SGPP2: variants seen among roughly 807,000 people sequenced by gnomAD.
SGPP2 encodes sphingosine 1-phosphate phosphohydrolase 2.
A neutral mutation model predicts 33.9 loss-of-function variants in SGPP2; 30 were observed. The observed-to-expected ratio is 0.89, with a 90% confidence interval of 0.66 to 1.20. The LOEUF is 1.20. Among genes scored for constraint, SGPP2 ranks in the 50% most tolerant of loss-of-function variants. The pLI is 0.00. For synonymous variants in SGPP2, 233 were observed against 225.0 expected (o/e 1.04, Z -0.32); for missense variants, 458 against 532.1 (o/e 0.86, Z 1.37).
At chr2:222,467,001 T>C (rs1697756386) in intron 1 of SGPP2, among the ~76,000 whole-genome samples, 1 of 152,204 alleles carries the variant, frequency 6.6e-6, no homozygotes. Flanking sequence ...GGCATTTTAA[T>C]CTATCACCTG....
rs543930097 is a variant in SGPP2 at position 222,522,333 on chromosome 2, AGAT to A, written c.558+391_558+393del. 1.6e-3 allele frequency among the ~76,000 whole-genome samples: 240 copies of A among 152,256 alleles called. 1 individual carries two copies. Among genetic ancestry groups the A allele is most frequent in the Admixed American group, 0.013 (192 of 15,306 alleles). ...CCTAGTAAATGATTCTCCAGGGCTG[AGAT>A]GATTCCACCAAATCCCTCTGCCAGA... On this transcript the variant is annotated intron_variant, in intron 3 of 4. Coordinates refer to ENST00000321276, the MANE Select transcript of SGPP2 (RefSeq NM_152386.4).
Position 222,478,333 on chromosome 2 carries a change from T to C in SGPP2, c.378+3607T>C, listed in dbSNP as rs148937549. On this transcript the variant is annotated intron_variant, in intron 2 of 4. Transcript: ENST00000321276. ...TGTTGGGATTAGGGGTGCTCTCTGA[T>C]GGGCTACAGAGACAATAATGAGAGA... Among the ~76,000 whole-genome samples the C allele has an allele frequency of 3.2e-3, 484 of 151,404 alleles. 3 individuals carry two copies. Among genetic ancestry groups the C allele is most frequent in the African/African-American group, 0.012 (474 of 41,106 alleles).
At chr2:222,474,877 A>G in intron 2 of SGPP2, 151 bp downstream of exon 2, 1 of 676,468 alleles carries the variant, frequency 1.5e-6, no homozygotes, top group South Asian at 2.2e-5. Context: ...TGGAAAAATT[A>G]GAAAGCAATA....
intron 1 of SGPP2, among the ~76,000 whole-genome samples, chr2:222,456,845 A>G (rs1315076697): frequency 1.3e-5 from 2 of 152,214 alleles, no homozygotes; most frequent in African/African-American, 4.8e-5. Flanking sequence ...AGGGCAATAA[A>G]GTAAGGTTAT....
At position 222,524,952 on chromosome 2, in the gene SGPP2, T is replaced by A; in HGVS notation, c.567T>A (p.Phe189Leu). Residue 189 changes from phenylalanine to leucine, a missense_variant, in exon 4 of 5, where the codon TTT becomes TTA. By Grantham distance (22) the Phe-to-Leu change is conservative. Transcript: ENST00000321276. ...TTCTCCTTCCCCCACAGTATCCATT[T>A]GTGTTGGGACTGGTGATGGCCGTGG... is the stretch of plus-strand genomic sequence containing the variant. ...ISTMDRYQYP[F>L]VLGLVMAVVF... 1 of 1,613,908 alleles carries A rather than the reference T, an allele frequency of 6.2e-7. No homozygotes were observed. Among genetic ancestry groups the A allele is most frequent in the East Asian group, 2.2e-5 (1 of 44,874 alleles).
chr2:222,544,635 G>A (rs1689146782), intron 4 of SGPP2, among the ~76,000 whole-genome samples: 1 of 152,094 alleles, frequency 6.6e-6, no homozygotes, highest in Admixed American at 6.6e-5. Flanking sequence ...AAGAAAAAAA[G>A]TCTGTACATG....
rs1384637854 is a variant in SGPP2 at position 222,465,975 on chromosome 2, C to T, written c.220-8593C>T. 3.3e-5 allele frequency among the ~76,000 whole-genome samples: 5 copies of T among 152,072 alleles called. No individual in the cohort carries two copies. Among genetic ancestry groups the T allele is most frequent in the African/African-American group, 9.7e-5 (4 of 41,398 alleles). ...TGTAACCCATTTCCTGCTTTAATTT[C>T]GTCATAGCACTTATTGCTAAATGAA... On this transcript the variant is annotated intron_variant, in intron 1 of 4. Transcript: ENST00000321276. This position sits in a 1 kb window ranked among gnomAD's most constrained non-coding sequence, Gnocchi z 4.1.
At chr2:222,432,210 C>A (rs1486208792) in intron 1 of SGPP2, among the ~76,000 whole-genome samples, 1 of 152,042 alleles carries the variant, frequency 6.6e-6, no homozygotes, top group Non-Finnish European at 1.5e-5. Flanking sequence ...TGGAGGGAGC[C>A]CAGTGGTGAA....
At chr2:222,432,684 A>G (rs1697174375) in intron 1 of SGPP2, among the ~76,000 whole-genome samples, 1 of 152,190 alleles carries the variant, frequency 6.6e-6, no homozygotes, top group African/African-American at 2.4e-5. Context: ...ACAGGAAACA[A>G]TAGGAACTCA....
At chr2:222,466,947 A>C (rs1034070622) in intron 1 of SGPP2, among the ~76,000 whole-genome samples, 3 of 152,080 alleles carry the variant, frequency 2.0e-5, no homozygotes, top group Non-Finnish European at 4.4e-5. Flanking sequence ...GTGTTGCAGG[A>C]TCCTCCATGG....
chr2:222,532,385 C>A (rs2106142187), intron 4 of SGPP2, among the ~76,000 whole-genome samples: 1 of 152,334 alleles, frequency 6.6e-6, no homozygotes, highest in South Asian at 2.1e-4. Context: ...CTTATCCCGC[C>A]TCTTAGGAAG....
chr2:222,454,454 A>T (rs967368363), intron 1 of SGPP2, among the ~76,000 whole-genome samples: 4 of 152,226 alleles, frequency 2.6e-5, no homozygotes, highest in Non-Finnish European at 5.9e-5. Flanking sequence ...TTCAGAGATA[A>T]ATAACTTGAC....
At chr2:222,455,580 A>T (rs1361818419) in intron 1 of SGPP2, among the ~76,000 whole-genome samples, 2 of 152,212 alleles carry the variant, frequency 1.3e-5, no homozygotes, top group Non-Finnish European at 2.9e-5. Context: ...ATTGGGAGCC[A>T]TTGGAGGATG....
intron 1 of SGPP2, among the ~76,000 whole-genome samples, chr2:222,461,926 C>G (rs1309822120): frequency 1.3e-5 from 2 of 152,066 alleles, no homozygotes; most frequent in African/African-American, 2.4e-5. Flanking sequence ...GTGTACAAAC[C>G]CCTGTGACTT....
intron 4 of SGPP2, among the ~76,000 whole-genome samples, chr2:222,555,109 A>G (rs184861576): frequency 7.2e-5 from 11 of 152,220 alleles, no homozygotes; most frequent in Admixed American, 5.9e-4. Context: ...ACCATACAGT[A>G]TGTATCCCTT....
intron 4 of SGPP2, among the ~76,000 whole-genome samples, chr2:222,527,000 A>G (rs985396043): frequency 6.6e-6 from 1 of 152,214 alleles, no homozygotes; most frequent in African/African-American, 2.4e-5. Flanking sequence ...TTAAAAAAGA[A>G]TGATCTCGAG....
intron 1 of SGPP2, among the ~76,000 whole-genome samples, chr2:222,436,751 A>G (rs537388328): frequency 1.1e-4 from 17 of 152,324 alleles, no homozygotes; most frequent in African/African-American, 4.1e-4. Flanking sequence ...GTAGGTGTCT[A>G]TTCCAGTGAG....
At chr2:222,525,482 C>G (rs72968849) in intron 4 of SGPP2, among the ~76,000 whole-genome samples, 1 of 152,186 alleles carries the variant, frequency 6.6e-6, no homozygotes, top group Non-Finnish European at 1.5e-5. Context: ...CCCGGTATCA[C>G]GGCTTTGCTT....
intron 1 of SGPP2, among the ~76,000 whole-genome samples, chr2:222,463,604 C>T (rs373285513): frequency 2.6e-5 from 4 of 152,144 alleles, no homozygotes; most frequent in Admixed American, 2.6e-4. Context: ...TCCTTCTCCA[C>T]GTACACATGC....
Sources: gnomAD v4.1 joint callset for allele counts (sites outside exome capture counted in the v4.1 genomes callset) on GRCh38, gnomAD v4.1.1 for gene constraint, Gnocchi (gnomAD v3.1) non-coding constraint, MANE v1.5 for transcripts, NCBI Gene and HGNC (gene_info 2026-07-23, HGNC 2026-07-21) for gene names.